SFMBT1: variants seen among roughly 807,000 people sequenced by gnomAD.
The protein encoded by SFMBT1 is Scm like with four mbt domains 1, also known as scm-like with four MBT domains protein 1.
A neutral mutation model predicts 108.7 loss-of-function variants in SFMBT1; 32 were observed. The observed-to-expected ratio is 0.29, with a 90% confidence interval of 0.22 to 0.40. The LOEUF (loss-of-function observed/expected upper bound fraction) is 0.40. Among genes scored for constraint, SFMBT1 ranks in the 10% least tolerant of loss-of-function variants. SFMBT1 has a pLI of 1.00. For synonymous variants in SFMBT1, 348 were observed against 369.5 expected (o/e 0.94, Z 0.67); for missense variants, 816 against 1,059.6 (o/e 0.77, Z 3.19).
chr3:52,975,245 T>C (rs1704478673), intron 1 of SFMBT1, among the ~76,000 whole-genome samples: 1 of 152,236 alleles, frequency 6.6e-6, no homozygotes, highest in African/African-American at 2.4e-5. Context: ...AAGTAAAATA[T>C]AGCATAAGCA....
intron 1 of SFMBT1, among the ~76,000 whole-genome samples, chr3:53,000,795 TA>T: frequency 6.7e-6 from 1 of 150,220 alleles, no homozygotes; most frequent in South Asian, 2.1e-4. Context: ...AATTTATCTT[TA>T]AAAAACTCAC....
chr3:52,987,300 G>A (rs759398020), intron 1 of SFMBT1, among the ~76,000 whole-genome samples: 1 of 152,126 alleles, frequency 6.6e-6, no homozygotes, highest in Non-Finnish European at 1.5e-5. Context: ...TTATGATCAA[G>A]TATTATGTAC....
At chr3:52,937,141 A>G (rs975652354) in intron 4 of SFMBT1, among the ~76,000 whole-genome samples, 6 of 152,172 alleles carry the variant, frequency 3.9e-5, no homozygotes, top group Non-Finnish European at 8.8e-5. Context: ...ACGCCCGGCC[A>G]CACATTTCAT....
chr3:52,918,049 G>T (rs1559509909), intron 13 of SFMBT1, among the ~76,000 whole-genome samples: 1 of 152,172 alleles, frequency 6.6e-6, no homozygotes, highest in Non-Finnish European at 1.5e-5. Flanking sequence ...GTGTGTGCAG[G>T]TATGTTACAA....
At chr3:52,998,858 G>A (rs186159754) in intron 1 of SFMBT1, among the ~76,000 whole-genome samples, 3 of 150,580 alleles carry the variant, frequency 2.0e-5, no homozygotes, top group Non-Finnish European at 3.0e-5. Context: ...GCGGGGTGAC[G>A]GCTGTGCAGC....
At chr3:52,991,448 A>C (rs2106896337) in intron 1 of SFMBT1, among the ~76,000 whole-genome samples, 1 of 142,966 alleles carries the variant, frequency 7.0e-6, no homozygotes. Flanking sequence ...GGGTTCAAGC[A>C]ATTATCGTGC....
chr3:52,989,233 T>C (rs938743705), intron 1 of SFMBT1, among the ~76,000 whole-genome samples: 1 of 152,076 alleles, frequency 6.6e-6, no homozygotes, highest in African/African-American at 2.4e-5. Flanking sequence ...CACTTTACAG[T>C]GCTTAGTACA....
At chr3:52,996,479 C>T (rs1377791532) in intron 1 of SFMBT1, among the ~76,000 whole-genome samples, 1 of 149,840 alleles carries the variant, frequency 6.7e-6, no homozygotes, top group African/African-American at 2.4e-5. Context: ...CTCCCAAATG[C>T]TAGGATTATA....
intron 3 of SFMBT1, among the ~76,000 whole-genome samples, chr3:52,949,094 G>A (rs1674472298): frequency 6.6e-6 from 1 of 151,960 alleles, no homozygotes; most frequent in Non-Finnish European, 1.5e-5. Context: ...CAAGTGTGTT[G>A]TTTAATCTCT....
At chr3:53,035,007 T>C (rs2106964977) in intron 1 of SFMBT1, among the ~76,000 whole-genome samples, 1 of 152,336 alleles carries the variant, frequency 6.6e-6, no homozygotes, top group East Asian at 1.9e-4. Context: ...CATGTGAGAC[T>C]GACATTTTGG....
chr3:53,015,215 GA>G (rs56067925), intron 1 of SFMBT1, among the ~76,000 whole-genome samples: 1,604 of 117,744 alleles, frequency 0.014, 13 homozygotes, highest in South Asian at 0.064. Flanking sequence ...CTGTCCCAAG[GA>G]AAAAAAAAAA....
intron 1 of SFMBT1, among the ~76,000 whole-genome samples, chr3:52,994,256 A>G (rs1442809015): frequency 6.6e-6 from 1 of 150,502 alleles, no homozygotes; most frequent in Non-Finnish European, 1.5e-5. Flanking sequence ...GATAAGGACA[A>G]GTTTCTTTTT....
chr3:53,039,287 C>CA (rs1360019015), intron 1 of SFMBT1, among the ~76,000 whole-genome samples: 2 of 151,916 alleles, frequency 1.3e-5, no homozygotes, highest in Non-Finnish European at 2.9e-5. Flanking sequence ...TTTACTTCCT[C>CA]AAAAAAAATT....
At chr3:52,991,973 G>C (rs1488893634) in intron 1 of SFMBT1, among the ~76,000 whole-genome samples, 1 of 152,228 alleles carries the variant, frequency 6.6e-6, no homozygotes, top group African/African-American at 2.4e-5. Context: ...CCGAGGAGGA[G>C]ATTGTCCATT....
Position 52,903,944 on chromosome 3 carries a change from A to C in SFMBT1, c.*1192T>G, listed in dbSNP as rs1005143076. ...TATTCAATTTAAAGGATTAGCTGAAAAAAGTCTAAGTGTGGCTAGGCAAAG... is the reference window on the plus strand; with the variant it reads ...TATTCAATTTAAAGGATTAGCTGAACAAAGTCTAAGTGTGGCTAGGCAAAG... On this transcript the variant is annotated 3_prime_UTR_variant, in exon 21 of 21. Transcript: ENST00000394752. 1 of 152,224 alleles carries C rather than the reference A, an allele frequency of 6.6e-6. No homozygotes were observed. The highest frequency in any genetic ancestry group is 2.4e-5 in the African/African-American group (1 of 41,466). The allele number at this position is 152,224 out of a possible 1,614,324, so 9.4% of individuals were successfully genotyped here.
chr3:52,987,461 A>T (rs1306688408), intron 1 of SFMBT1, among the ~76,000 whole-genome samples: 1 of 152,102 alleles, frequency 6.6e-6, no homozygotes, highest in African/African-American at 2.4e-5. Flanking sequence ...CATCTCCATT[A>T]TAACTGTATG....
intron 1 of SFMBT1, among the ~76,000 whole-genome samples, chr3:52,991,964 C>T (rs574744470): frequency 2.0e-5 from 3 of 152,302 alleles, no homozygotes; most frequent in African/African-American, 4.8e-5. Flanking sequence ...CATCCATCCC[C>T]GAGGAGGAGA....
chr3:52,906,406 A>G (rs984098614), intron 19 of SFMBT1, among the ~76,000 whole-genome samples, 165 bp from the exon 20 acceptor site: 1 of 152,240 alleles, frequency 6.6e-6, no homozygotes, highest in Non-Finnish European at 1.5e-5. Flanking sequence ...TCAGGTACTC[A>G]GGAAATGTCT....
chr3:52,934,410 T>C (rs559528861), intron 5 of SFMBT1, among the ~76,000 whole-genome samples: 2 of 134,582 alleles, frequency 1.5e-5, no homozygotes, highest in South Asian at 4.9e-4. Flanking sequence ...AGAAGTGCAA[T>C]AGATCCAATG....
Sources: gnomAD v4.1 joint callset for allele counts (sites outside exome capture counted in the v4.1 genomes callset) on GRCh38, gnomAD v4.1.1 for gene constraint, MANE v1.5 for transcripts, NCBI Gene and HGNC (gene_info 2026-07-23, HGNC 2026-07-21) for gene names.